Variants in DIAPH2 observed in about 807,000 individuals in gnomAD.
The protein encoded by DIAPH2 is protein diaphanous homolog 2.
DIAPH2 carries 35 observed loss-of-function variants against 92.7 expected under a neutral mutation model. The ratio of observed to expected loss-of-function variants is 0.38; its 90% CI spans 0.29 to 0.50. The LOEUF (loss-of-function observed/expected upper bound fraction) is 0.50, where lower values mean the gene tolerates loss of function less well. DIAPH2 is among the 20% of genes least tolerant of loss of function. The pLI is 0.94. For missense variants in DIAPH2, 701 were observed against 819.5 expected (o/e 0.86, Z 1.77); for synonymous variants, 301 against 280.4 (o/e 1.07, Z -0.73).
intron 17 of DIAPH2, among the ~76,000 whole-genome samples, chrX:97,048,498 G>C (rs1015093956): frequency 1.8e-5 from 2 of 111,240 alleles, no homozygotes; most frequent in African/African-American, 6.5e-5. Context: ...TTCGATTAAG[G>C]TATTATGTAA....
At chrX:96,884,543 G>A (rs2065244550) in intron 5 of DIAPH2, 5 of 1,211,069 alleles carry the variant, frequency 4.1e-6, no homozygotes, top group Non-Finnish European at 5.6e-6. Context: ...TCCATCGTGG[G>A]GGTAATCAGA....
At chrX:96,837,404 CCTCTCTCTCTCT>C (rs758318611) in intron 4 of DIAPH2, among the ~76,000 whole-genome samples, 3 of 66,066 alleles carry the variant, frequency 4.5e-5, no homozygotes, top group Middle Eastern at 7.9e-3. Flanking sequence ...TTCCTCCCTC[CCTCTCTCTCTCT>C]CTCTCTCTCT....
chrX:97,171,117 A>C (rs1296889350), intron 22 of DIAPH2, among the ~76,000 whole-genome samples: 1 of 110,956 alleles, frequency 9.0e-6, no homozygotes, highest in Non-Finnish European at 1.9e-5. Context: ...CAGGCAATCC[A>C]CCCGCCTCGG....
chrX:97,236,850 G>A (rs1424357953), intron 22 of DIAPH2, among the ~76,000 whole-genome samples: 1 of 111,655 alleles, frequency 9.0e-6, no homozygotes, highest in Non-Finnish European at 1.9e-5. Flanking sequence ...GGCGTGTAAA[G>A]TTTTCATTAA....
chrX:97,233,997 G>A (rs981784936), intron 22 of DIAPH2, among the ~76,000 whole-genome samples: 1 of 110,469 alleles, frequency 9.1e-6, no homozygotes, highest in Non-Finnish European at 1.9e-5. Flanking sequence ...AAGAATTGTT[G>A]TAAGGAGACT....
chrX:97,206,800 G>C (rs763489612), intron 22 of DIAPH2, among the ~76,000 whole-genome samples: 1 of 111,302 alleles, frequency 9.0e-6, no homozygotes, highest in Non-Finnish European at 1.9e-5. Context: ...CAAGGGGCAG[G>C]CAATGCTTTT....
chrX:97,026,106 CTG>C (rs1273520318), intron 17 of DIAPH2, among the ~76,000 whole-genome samples: 1 of 112,029 alleles, frequency 8.9e-6, no homozygotes, highest in African/African-American at 3.2e-5. Context: ...GGTTACCTAA[CTG>C]AGGATAGAGA....
chrX:97,233,308 C>T (rs2068023039), intron 22 of DIAPH2, among the ~76,000 whole-genome samples: 1 of 112,670 alleles, frequency 8.9e-6, no homozygotes, highest in Non-Finnish European at 1.9e-5. Flanking sequence ...CATGAGACTT[C>T]ATAACTTCAA....
intron 5 of DIAPH2, among the ~76,000 whole-genome samples, chrX:96,897,685 T>C: frequency 9.0e-6 from 1 of 111,042 alleles, no homozygotes; most frequent in Non-Finnish European, 1.9e-5. Flanking sequence ...AGGCAAATGT[T>C]AAACAATTAA....
At chrX:97,397,928 A>G (rs1324894465) in intron 25 of DIAPH2, among the ~76,000 whole-genome samples, 1 of 112,499 alleles carries the variant, frequency 8.9e-6, no homozygotes, top group Non-Finnish European at 1.9e-5. Flanking sequence ...GAAATGCATC[A>G]GTAGGGAGAG....
At position 96,796,067 on chromosome X, in the gene DIAPH2, T is replaced by C. The variant is rs753922890; in HGVS notation, c.447+37809T>C. Among the ~76,000 whole-genome samples the C allele has an allele frequency of 8.0e-5, 9 of 111,872 alleles. No homozygotes were observed. In the East Asian group the frequency reaches 2.2e-3, roughly 28 times the overall value. ...TGTGGATTTTGGTATCCAAGAGGGG[T>C]CCTGGAACAAAGCCCCCATGGATAC... On this transcript the variant is annotated intron_variant, in intron 4 of 26. Coordinates refer to ENST00000324765, the MANE Select transcript of DIAPH2 (RefSeq NM_006729.5).
chrX:96,794,945 C>T (rs192966618), intron 4 of DIAPH2, among the ~76,000 whole-genome samples: 3 of 112,025 alleles, frequency 2.7e-5, no homozygotes, highest in East Asian at 2.8e-4. Flanking sequence ...TTCGTGTCAT[C>T]TTCTGCTTTT....
At chrX:96,810,688 T>C (rs1409195946) in intron 4 of DIAPH2, among the ~76,000 whole-genome samples, 1 of 111,806 alleles carries the variant, frequency 8.9e-6, no homozygotes, top group Non-Finnish European at 1.9e-5. Context: ...CTTGAATTAA[T>C]TTTTGTATAA....
At chrX:97,275,547 C>T (rs1305879465) in intron 23 of DIAPH2, among the ~76,000 whole-genome samples, 5 of 106,629 alleles carry the variant, frequency 4.7e-5, no homozygotes, top group Non-Finnish European at 3.9e-5. Context: ...CGGAGGGGCT[C>T]CTCACTTCTC....
chrX:97,027,537 A>G (rs985221991), intron 17 of DIAPH2, among the ~76,000 whole-genome samples: 3 of 112,293 alleles, frequency 2.7e-5, no homozygotes, highest in Non-Finnish European at 5.6e-5. Flanking sequence ...GCTACAAAAA[A>G]GGCACAGATA....
chrX:97,339,996 T>C (rs888950842), intron 23 of DIAPH2, among the ~76,000 whole-genome samples: 43 of 111,899 alleles, frequency 3.8e-4, no homozygotes, highest in African/African-American at 1.4e-3. Flanking sequence ...CTTTAAATAT[T>C]TCAAGGACTT....
At chrX:97,349,086 T>A (rs1196792979) in intron 24 of DIAPH2, among the ~76,000 whole-genome samples, 9 of 102,329 alleles carry the variant, frequency 8.8e-5, no homozygotes, top group East Asian at 2.9e-4. Context: ...ATATATATTT[T>A]TTTTTTTTTT....
At chrX:97,449,818 T>C in intron 26 of DIAPH2, 1 of 147,630 alleles carries the variant, frequency 6.8e-6, no homozygotes, top group Non-Finnish European at 1.2e-5. Context: ...CTTCTCACCA[T>C]TGCTTATGAA....
chrX:97,242,650 G>A (rs780625046), intron 22 of DIAPH2, among the ~76,000 whole-genome samples: 1 of 111,333 alleles, frequency 9.0e-6, no homozygotes, highest in East Asian at 2.8e-4. Context: ...ACAGGCATGA[G>A]CCATGGCACC....
Sources: allele counts gnomAD v4.1 joint callset (sites outside exome capture counted in the v4.1 genomes callset), GRCh38; gene constraint gnomAD v4.1.1; transcripts MANE v1.5; gene names NCBI Gene and HGNC (gene_info 2026-07-23, HGNC 2026-07-21).